Variants in DCHS2 observed in about 807,000 individuals in gnomAD.
The protein encoded by DCHS2 is protocadherin-23.
A neutral mutation model predicts 182.4 loss-of-function variants in DCHS2; 142 were observed. The ratio of observed to expected loss-of-function variants is 0.78; its 90% CI spans 0.68 to 0.89. The LOEUF (loss-of-function observed/expected upper bound fraction) is 0.89, where lower values mean the gene tolerates loss of function less well. Among genes scored for constraint, DCHS2 ranks in the 40% least tolerant of loss-of-function variants. The pLI is 0.00. For synonymous variants in DCHS2, 1,740 were observed against 1,663.3 expected, an observed-to-expected ratio of 1.05 and a Z score of -1.12; for missense variants, 4,319 against 4,198.6, an observed-to-expected ratio of 1.03 and a Z score of -0.79.
intron 1 of DCHS2, among the ~76,000 whole-genome samples, chr4:154,416,776 C>G (rs17031603): frequency 0.013 from 1,971 of 152,288 alleles, 43 homozygotes; most frequent in African/African-American, 0.044. Context: ...TTTAAATCTC[C>G]GAGCTGGCGG....
At chr4:154,442,584 A>AC (rs1412319799) in intron 1 of DCHS2, among the ~76,000 whole-genome samples, 2 of 117,658 alleles carry the variant, frequency 1.7e-5, no homozygotes, top group African/African-American at 6.5e-5. Flanking sequence ...TTACGTTGAC[A>AC]CCTTCTTGTG....
intron 3 of DCHS2, among the ~76,000 whole-genome samples, chr4:154,365,177 G>A (rs1730292081): frequency 6.6e-6 from 1 of 151,978 alleles, no homozygotes; most frequent in Non-Finnish European, 1.5e-5. Context: ...GGAGCTTTAG[G>A]TATCATTTTT....
rs75099749 is a variant in DCHS2, at chr4:154,413,517, G to A, written c.2053-36073C>T. On this transcript the variant is annotated intron_variant, in intron 1 of 19. Coordinates refer to ENST00000357232, the MANE Select transcript of DCHS2 (RefSeq NM_001358235.2). ...TCTCTCTGATGCTGGATATCTCCAGGTGGCTCCAGAGCCACATGCTCCACC... is the reference window on the plus strand; with the variant it reads ...TCTCTCTGATGCTGGATATCTCCAGATGGCTCCAGAGCCACATGCTCCACC... Among the ~76,000 whole-genome samples, 1,253 of 152,260 alleles carry A rather than the reference G, an allele frequency of 8.2e-3. 20 individuals are homozygous for A. Among genetic ancestry groups the A allele is most frequent in the African/African-American group, 0.029 (1,202 of 41,544 alleles).
chr4:154,355,606 G>A (rs982754447), intron 3 of DCHS2: 6 of 152,046 alleles, frequency 3.9e-5, no homozygotes, highest in African/African-American at 9.7e-5. Flanking sequence ...TCATTCTTGC[G>A]TGAGGTCCAA....
intron 1 of DCHS2, among the ~76,000 whole-genome samples, chr4:154,475,203 A>G (rs991441401): frequency 2.6e-5 from 4 of 152,196 alleles, no homozygotes; most frequent in African/African-American, 9.6e-5. Flanking sequence ...GTAAACTTAT[A>G]TATTTACTCT....
Position 154,297,879 on chromosome 4 carries a change from T to C in DCHS2, c.6435A>G (p.Lys2145=). The stretch of plus-strand genomic sequence containing the variant: ...CCTCACAATTTTCAGTCACGAGCCC[T>C]TTATACAGGTGGTGGCTGAAGGAAA... The part of the protein sequence containing the change: ...VKISFSHHLY[K]GLVTENCEAG... The change falls in exon 13 of 20, where the codon AAA becomes AAG. Residue 2145 remains lysine (K), a synonymous_variant. Coordinates refer to ENST00000357232, the MANE Select transcript of DCHS2 (RefSeq NM_001358235.2). 1.9e-6 allele frequency: 3 copies of C among 1,613,756 alleles called. No individual in the cohort carries two copies. The highest frequency in any genetic ancestry group is 2.5e-6 in the Non-Finnish European group (3 of 1,179,762).
In DCHS2 at chr4:154,335,002, G is replaced by A. The variant is rs367839395; in HGVS notation, c.2579C>T (p.Ala860Val). ...DGGGLTAVIN[A>V]DVTIHIFQTT... Reference sequence around the variant, plus strand: ...CTGGAAAATGTGTATGGTGACATCGGCATTAATGACAGCTGTGAGCCCACC... The same window carrying A: ...CTGGAAAATGTGTATGGTGACATCGACATTAATGACAGCTGTGAGCCCACC... The change falls in exon 4 of 20, where the codon GCC becomes GTC. Residue 860 changes from alanine (A) to valine (V), a missense_variant. Transcript: ENST00000357232. 3 of 1,614,010 alleles carry A rather than the reference G, an allele frequency of 1.9e-6. No homozygotes were observed. Among genetic ancestry groups the A allele is most frequent in the African/African-American group, 1.3e-5 (1 of 74,920 alleles).
At chr4:154,392,929 T>G (rs1731772487) in intron 1 of DCHS2, among the ~76,000 whole-genome samples, 1 of 152,230 alleles carries the variant, frequency 6.6e-6, no homozygotes, top group East Asian at 1.9e-4. Flanking sequence ...GCAGCTTTAA[T>G]ACATGTGCAT....
intron 16 of DCHS2, among the ~76,000 whole-genome samples, chr4:154,244,044 C>A (rs1731959333): frequency 6.6e-6 from 1 of 152,200 alleles, no homozygotes; most frequent in African/African-American, 2.4e-5. Flanking sequence ...TTTCAAAGCT[C>A]ACATCTCTGC....
intron 1 of DCHS2, among the ~76,000 whole-genome samples, chr4:154,379,260 G>C (rs144482557): frequency 6.6e-6 from 1 of 152,308 alleles, no homozygotes; most frequent in Non-Finnish European, 1.5e-5. Flanking sequence ...CAGGGAAGGA[G>C]AGAGATGGAA....
At chr4:154,255,743 T>A in intron 15 of DCHS2, 73 bp from the exon 16 acceptor site, 1 of 1,465,330 alleles carries the variant, frequency 6.8e-7, no homozygotes, top group Non-Finnish European at 9.1e-7. Context: ...TTCAGAGACA[T>A]GCATTAAGAA....
At position 154,235,170 on chromosome 4, in the gene DCHS2, C is replaced by T. The variant is rs190682484; in HGVS notation, c.9482G>A (p.Ser3161Asn). 3.5e-4 allele frequency: 570 copies of T among 1,614,076 alleles called. No individual in the cohort carries two copies. The highest frequency in any genetic ancestry group is 4.7e-4 in the Non-Finnish European group (559 of 1,179,966). ...TTGATCTCCTTCCCCAAATGTTTGGCTGGCTTCTGCTGTTTCGGCAGTCAC... is the reference window on the plus strand; with the variant it reads ...TTGATCTCCTTCCCCAAATGTTTGGTTGGCTTCTGCTGTTTCGGCAGTCAC... ...VMVTAETAEA[S>N]QTFGEGDQGE... Residue 3161 changes from serine to asparagine, a missense_variant, in exon 20 of 20, where the codon AGC becomes AAC. Coordinates refer to ENST00000357232, the MANE Select transcript of DCHS2 (RefSeq NM_001358235.2).
chr4:154,358,658 C>T (rs1257834236), intron 3 of DCHS2, among the ~76,000 whole-genome samples: 1 of 152,010 alleles, frequency 6.6e-6, no homozygotes, highest in African/African-American at 2.4e-5. Context: ...TAGGATAAAG[C>T]TTGTTGTTCT....
intron 1 of DCHS2, among the ~76,000 whole-genome samples, chr4:154,439,084 T>C (rs1413529342): frequency 6.6e-6 from 1 of 152,252 alleles, no homozygotes; most frequent in East Asian, 1.9e-4. Flanking sequence ...TGGCTATACC[T>C]GTAGTTGCAT....
At chr4:154,375,268 T>A (rs1243779487) in intron 2 of DCHS2, among the ~76,000 whole-genome samples, 1 of 152,028 alleles carries the variant, frequency 6.6e-6, no homozygotes, top group Non-Finnish European at 1.5e-5. Context: ...TAAGCAAATA[T>A]TTCTTAAAAG....
chr4:154,343,493 T>G, intron 3 of DCHS2: 1 of 1,470,220 alleles, frequency 6.8e-7, no homozygotes, highest in East Asian at 2.5e-5. Context: ...TAGCTAGATT[T>G]GCTACATACC....
At chr4:154,257,226 G>A (rs775702661) in intron 15 of DCHS2, among the ~76,000 whole-genome samples, 3 of 152,078 alleles carry the variant, frequency 2.0e-5, no homozygotes, top group African/African-American at 7.2e-5. Flanking sequence ...CCAGCCTGGC[G>A]ACAGAGCGAG....
At chr4:154,249,981 C>A (rs1272114053) in intron 16 of DCHS2, among the ~76,000 whole-genome samples, 1 of 151,966 alleles carries the variant, frequency 6.6e-6, no homozygotes, top group Non-Finnish European at 1.5e-5. Context: ...AACAAACCTG[C>A]ACACATGTCT....
chr4:154,298,875 A>G lies in DCHS2; in HGVS notation c.5606-167T>C, dbSNP rs1456780107. ...TTGGGGATATAACAGTAAGCATGAT[A>G]AAGGCTCTGCCCTCATGAAACTTCT... On this transcript the variant is annotated intron_variant, in intron 12 of 19. Coordinates refer to ENST00000357232, the MANE Select transcript of DCHS2 (RefSeq NM_001358235.2). 9.4e-5 allele frequency: 96 copies of G among 1,026,320 alleles called. 1 individual carries two copies. In the Admixed American group the frequency reaches 3.2e-3, roughly 35 times the overall value. 63.6% of individuals were successfully genotyped at this position (1,026,320 alleles called of 1,614,324 possible). A position where few individuals can be genotyped will look rare whatever the true frequency, so the allele number is the denominator to read the frequency against.
Sources: gnomAD v4.1 joint callset for allele counts (sites outside exome capture counted in the v4.1 genomes callset) on GRCh38, gnomAD v4.1.1 for gene constraint, MANE v1.5 for transcripts, NCBI Gene and HGNC (gene_info 2026-07-23, HGNC 2026-07-21) for gene names.